The following AKAP7 variants were observed in gnomAD, a reference collection of about 807,000 sequenced individuals.
AKAP7 encodes A kinase (PRKA) anchor protein 7.
Under a neutral mutation model 39.5 loss-of-function variants are expected in AKAP7, and 39 were observed. That is an observed-to-expected ratio of 0.99 (90% confidence interval 0.76 to 1.29). AKAP7 has a LOEUF of 1.29. Ranked by LOEUF, AKAP7 falls within the 50% of genes most tolerant of loss-of-function variation. The probability of loss-of-function intolerance (pLI) is 0.00; values close to 1 mark genes in which losing one functional copy is unlikely to be tolerated. For missense variants in AKAP7, 414 were observed against 407.7 expected, an observed-to-expected ratio of 1.02 and a Z score of -0.13; for synonymous variants, 140 against 139.1, an observed-to-expected ratio of 1.01 and a Z score of -0.05.
At chr6:131,165,306 T>G (rs1803372954) in intron 4 of AKAP7, 89 bp downstream of exon 4, 1 of 963,970 alleles carries the variant, frequency 1.0e-6, no homozygotes, top group African/African-American at 1.7e-5. Flanking sequence ...ACATTCTAAA[T>G]TTTAAAGAAG....
At chr6:131,185,245 G>A (rs1044503494) in intron 5 of AKAP7, 8 of 465,414 alleles carry the variant, frequency 1.7e-5, no homozygotes, top group South Asian at 3.8e-5. Flanking sequence ...TGGGCTCACC[G>A]CTTTTTCCGC....
intron 2 of AKAP7, among the ~76,000 whole-genome samples, chr6:131,156,587 C>G (rs1802436159): frequency 6.6e-6 from 1 of 151,944 alleles, no homozygotes; most frequent in Non-Finnish European, 1.5e-5. Flanking sequence ...TTACAGTGAG[C>G]TATGATTGCA....
Position 131,145,480 on chromosome 6 carries a change from T to G in AKAP7, c.151+64T>G. On this transcript the variant is annotated intron_variant, in intron 2 of 7. Transcript: ENST00000431975. ...TGAGTAGTAAATTTAGTTATATATATATTTTTTTCTTTATAAGTTGTTTCA... is the reference window on the plus strand; with the variant it reads ...TGAGTAGTAAATTTAGTTATATATAGATTTTTTTCTTTATAAGTTGTTTCA... 5 of 1,101,182 alleles carry G rather than the reference T, an allele frequency of 4.5e-6. No homozygotes were observed. The South Asian group carries it at 1.3e-4, about 28-fold the overall frequency. The allele number at this position is 1,101,182 out of a possible 1,614,324, so 68.2% of individuals were successfully genotyped here. A position where few individuals can be genotyped will look rare whatever the true frequency, so the allele number is the denominator to read the frequency against.
At chr6:131,184,609 T>A in intron 5 of AKAP7, 1 of 742,508 alleles carries the variant, frequency 1.3e-6, no homozygotes, top group Non-Finnish European at 2.5e-6. Flanking sequence ...GCAGCCACAG[T>A]CGAAACAGGA....
intron 7 of AKAP7, among the ~76,000 whole-genome samples, chr6:131,265,829 T>C (rs1019646984): frequency 6.6e-6 from 1 of 152,178 alleles, no homozygotes; most frequent in South Asian, 2.1e-4. Flanking sequence ...AAAGGAGTGA[T>C]AATAGAAAGC....
At chr6:131,191,471 T>G (rs1224080144) in intron 5 of AKAP7, among the ~76,000 whole-genome samples, 1 of 152,222 alleles carries the variant, frequency 6.6e-6, no homozygotes, top group East Asian at 1.9e-4. Context: ...TCTTTCTTTT[T>G]TTTTGGCTAC....
chr6:131,130,290 G>A, the AKAP7 span, among the ~76,000 whole-genome samples: 2 of 152,316 alleles, frequency 1.3e-5, no homozygotes, highest in South Asian at 2.1e-4. Flanking sequence ...AGTGTAATGT[G>A]TAGGGAGAAG....
intron 7 of AKAP7, among the ~76,000 whole-genome samples, chr6:131,269,717 A>G (rs1362192703): frequency 1.3e-5 from 2 of 152,200 alleles, no homozygotes; most frequent in African/African-American, 4.8e-5. Context: ...ATTGGGGCAG[A>G]TGATACCTGT....
chr6:131,158,610 C>T (rs74863972), intron 2 of AKAP7, among the ~76,000 whole-genome samples: 5,336 of 152,042 alleles, frequency 0.035, 287 homozygotes, highest in African/African-American at 0.12. Context: ...TGGGTTCAAG[C>T]GATTTTGTGC....
chr6:131,175,009 C>G (rs1220225837), intron 5 of AKAP7, among the ~76,000 whole-genome samples: 1 of 151,712 alleles, frequency 6.6e-6, no homozygotes, highest in Non-Finnish European at 1.5e-5. Context: ...ATAACATAAA[C>G]AATTGATTAA....
chr6:131,215,853 G>A (rs1809124490), intron 6 of AKAP7, among the ~76,000 whole-genome samples: 1 of 152,182 alleles, frequency 6.6e-6, no homozygotes, highest in Admixed American at 6.5e-5. Flanking sequence ...AATGGAAAGC[G>A]AGTTTGGCTC....
chr6:131,133,164 C>T (rs887362859), upstream of AKAP7, among the ~76,000 whole-genome samples: 14 of 152,074 alleles, frequency 9.2e-5, no homozygotes, highest in Admixed American at 8.5e-4. Flanking sequence ...ATCTTTCTTT[C>T]CCTTTAATTT....
At chr6:131,208,351 C>T (rs1808327582) in intron 6 of AKAP7, among the ~76,000 whole-genome samples, 1 of 152,178 alleles carries the variant, frequency 6.6e-6, no homozygotes, top group African/African-American at 2.4e-5. Context: ...CTTTGTATGT[C>T]TTTAAAAATT....
At chr6:131,223,296 C>T (rs1257599508) in intron 7 of AKAP7, among the ~76,000 whole-genome samples, 1 of 152,094 alleles carries the variant, frequency 6.6e-6, no homozygotes, top group Non-Finnish European at 1.5e-5. Context: ...AATTTATCTC[C>T]AAATCAGCTG....
At chr6:131,231,398 T>C (rs376727663) in intron 7 of AKAP7, among the ~76,000 whole-genome samples, 1 of 152,068 alleles carries the variant, frequency 6.6e-6, no homozygotes, top group Non-Finnish European at 1.5e-5. Flanking sequence ...CACAGAGATA[T>C]GATTAAGAAA....
intron 7 of AKAP7, among the ~76,000 whole-genome samples, chr6:131,244,122 G>A (rs1226420278): frequency 6.6e-6 from 1 of 151,756 alleles, no homozygotes; most frequent in East Asian, 1.9e-4. Context: ...GTAAAAAGCA[G>A]GGCTGAACAG....
upstream of AKAP7, among the ~76,000 whole-genome samples, chr6:131,130,812 A>C (rs1800309641): frequency 6.6e-6 from 1 of 152,206 alleles, no homozygotes; most frequent in South Asian, 2.1e-4. Flanking sequence ...TGGAAACCCA[A>C]AAGTATTTTG....
In AKAP7 at chr6:131,197,629, A is replaced by G. The variant is rs369816534; in HGVS notation, c.590-1832A>G. On this transcript the variant is annotated intron_variant, in intron 5 of 7. Coordinates refer to ENST00000431975, the MANE Select transcript of AKAP7 (RefSeq NM_016377.4). ...TATTGCATTGTTTTCAAATTTACCA[A>G]TATTTTGCTCTGCTGTGTCTCACCT... Among the ~76,000 whole-genome samples the G allele has an allele frequency of 3.1e-4, 47 of 152,104 alleles. 2 individuals carry two copies. The highest frequency in any genetic ancestry group is 1.8e-3 in the Admixed American group (27 of 15,278).
At chr6:131,266,798 G>T (rs1001139482) in intron 7 of AKAP7, among the ~76,000 whole-genome samples, 1 of 151,662 alleles carries the variant, frequency 6.6e-6, no homozygotes, top group Admixed American at 6.6e-5. Flanking sequence ...TGATTTTGTT[G>T]TAATGATTAA....
Sources: allele counts gnomAD v4.1 joint callset (sites outside exome capture counted in the v4.1 genomes callset), GRCh38; gene constraint gnomAD v4.1.1; transcripts MANE v1.5; gene names NCBI Gene and HGNC (gene_info 2026-07-23, HGNC 2026-07-21).